Variants in GPC5 observed in about 807,000 individuals in gnomAD.
GPC5 encodes glypican 5, also known as glypican-5.
A neutral mutation model predicts 53.9 loss-of-function variants in GPC5; 47 were observed. That is an observed-to-expected ratio of 0.87 (90% CI 0.69 to 1.11). The LOEUF is 1.11. Ranked by LOEUF, GPC5 falls within the 50% of genes most tolerant of loss-of-function variation. GPC5 has a pLI of 0.00. For synonymous variants in GPC5, 286 were observed against 263.3 expected (o/e 1.09, Z -0.84); for missense variants, 748 against 713.1 (o/e 1.05, Z -0.56).
At chr13:91,538,507 A>AT (rs1280913477) in intron 2 of GPC5, among the ~76,000 whole-genome samples, 1 of 151,666 alleles carries the variant, frequency 6.6e-6, no homozygotes, top group Admixed American at 6.6e-5. Flanking sequence ...TTTTTAGATG[A>AT]TTTTTTATTT....
chr13:92,399,881 C>T (rs559379358), intron 7 of GPC5, among the ~76,000 whole-genome samples: 28 of 152,298 alleles, frequency 1.8e-4, no homozygotes, highest in African/African-American at 6.5e-4. Flanking sequence ...TGGATACTTA[C>T]TTGTTTTCCC....
chr13:91,669,995 A>G (rs2035207173), intron 2 of GPC5, among the ~76,000 whole-genome samples: 1 of 152,204 alleles, frequency 6.6e-6, no homozygotes, highest in African/African-American at 2.4e-5. Context: ...CAATTGTATT[A>G]TTGGACACTG....
chr13:92,701,733 A>G (rs1299802702), intron 7 of GPC5, among the ~76,000 whole-genome samples: 5 of 152,158 alleles, frequency 3.3e-5, no homozygotes. Flanking sequence ...AAGTTTCTTC[A>G]TATTCCTTTA....
intron 6 of GPC5, among the ~76,000 whole-genome samples, chr13:92,106,495 A>G (rs559376297): frequency 6.6e-6 from 1 of 152,110 alleles, no homozygotes; most frequent in African/African-American, 2.4e-5. Context: ...CTCACGAAAC[A>G]TGCTTAAGAC....
chr13:91,422,200 A>T (rs1421946655), intron 1 of GPC5, among the ~76,000 whole-genome samples: 1 of 152,256 alleles, frequency 6.6e-6, no homozygotes, highest in Non-Finnish European at 1.5e-5. Context: ...TGTAAGACAG[A>T]TAGCTTTGGT....
At chr13:92,613,385 T>TA (rs1884525689) in intron 7 of GPC5, among the ~76,000 whole-genome samples, 1 of 65,030 alleles carries the variant, frequency 1.5e-5, no homozygotes, top group African/African-American at 5.3e-5. Flanking sequence ...ATATATTATA[T>TA]TATATATAAA....
chr13:91,596,698 A>G (rs2033006253), intron 2 of GPC5, among the ~76,000 whole-genome samples: 2 of 152,028 alleles, frequency 1.3e-5, no homozygotes, highest in Non-Finnish European at 2.9e-5. Flanking sequence ...TGTTTAGTAT[A>G]AGGTTAATTT....
chr13:91,857,414 G>A (rs1201028507), intron 5 of GPC5, among the ~76,000 whole-genome samples: 4 of 151,208 alleles, frequency 2.6e-5, no homozygotes, highest in African/African-American at 4.8e-5. Context: ...GTAGTTTTCA[G>A]GATAGTATTA....
intron 6 of GPC5, among the ~76,000 whole-genome samples, chr13:92,142,420 T>C (rs2041838350): frequency 6.6e-6 from 1 of 152,180 alleles, no homozygotes; most frequent in East Asian, 1.9e-4. Flanking sequence ...ATAGTTAAAA[T>C]ATAGTTTTGT....
At chr13:91,499,807 A>G (rs758902273) in intron 2 of GPC5, among the ~76,000 whole-genome samples, 1 of 152,210 alleles carries the variant, frequency 6.6e-6, no homozygotes, top group Admixed American at 6.5e-5. Context: ...TGACACCTCA[A>G]TCTAAAACAG....
intron 7 of GPC5, among the ~76,000 whole-genome samples, chr13:92,684,192 G>A (rs2139226022): frequency 6.6e-6 from 1 of 152,010 alleles, no homozygotes; most frequent in South Asian, 2.1e-4. Flanking sequence ...TTTCATATTG[G>A]CTTCTTTCAC....
At position 92,685,547 on chromosome 13, in the gene GPC5, T is replaced by TTTTTTTTTTTTTTAA. The variant is rs1555302911; in HGVS notation, c.1562-180724_1562-180723insTTAATTTTTTTTTTT. Among the ~76,000 whole-genome samples, 464 of 97,756 alleles carry TTTTTTTTTTTTTTAA rather than the reference T, an allele frequency of 4.7e-3. 1 individual carries two copies. Among genetic ancestry groups the TTTTTTTTTTTTTTAA allele is most frequent in the African/African-American group, 0.014 (442 of 30,720 alleles). The allele number at this position is 97,756 out of a possible 152,430, so 64.1% of individuals were successfully genotyped here. ...TTATTTATGAAAAATTATGCTCATT[T>TTTTTTTTTTTTTTAA]TTTTTTTTTTTAATTTTTTTTTTTT... is the stretch of plus-strand genomic sequence containing the variant. On this transcript the variant is annotated intron_variant, in intron 7 of 7. Transcript: ENST00000377067.
At chr13:92,771,984 TC>T (rs1875634288) in intron 7 of GPC5, among the ~76,000 whole-genome samples, 2 of 152,164 alleles carry the variant, frequency 1.3e-5, no homozygotes, top group African/African-American at 4.8e-5. Context: ...GAAAACAAGT[TC>T]ATTCTTTCAG....
chr13:92,402,497 A>C (rs1875602361), intron 7 of GPC5, among the ~76,000 whole-genome samples: 1 of 152,050 alleles, frequency 6.6e-6, no homozygotes, highest in African/African-American at 2.4e-5. Context: ...TTTCTTTATG[A>C]TATTGATCCC....
At chr13:92,422,331 T>G (rs939749100) in intron 7 of GPC5, among the ~76,000 whole-genome samples, 1 of 152,164 alleles carries the variant, frequency 6.6e-6, no homozygotes, top group Non-Finnish European at 1.5e-5. Flanking sequence ...AGGCAGATGT[T>G]TTCCGAATAG....
At chr13:92,050,906 G>A (rs1314145674) in intron 6 of GPC5, among the ~76,000 whole-genome samples, 1 of 151,998 alleles carries the variant, frequency 6.6e-6, no homozygotes, top group Non-Finnish European at 1.5e-5. Context: ...ATGCTTAATT[G>A]GACTCTCTGA....
intron 2 of GPC5, among the ~76,000 whole-genome samples, chr13:91,510,977 T>G (rs1885202972): frequency 6.6e-6 from 1 of 152,194 alleles, no homozygotes; most frequent in Non-Finnish European, 1.5e-5. Context: ...TTTTTTATAC[T>G]GTACTGCTTT....
Position 91,674,499 on chromosome 13 carries a change from A to G in GPC5, c.326-18688A>G, listed in dbSNP as rs150510390. Among the ~76,000 whole-genome samples the G allele has an allele frequency of 3.6e-3, 541 of 149,534 alleles. 6 individuals are homozygous for G. The highest frequency in any genetic ancestry group is 6.5e-3 in the Non-Finnish European group (439 of 67,494). ...CACACACGCGCATGTGTATATATGC[A>G]TATGTGTATATATACACATATATGC... is the stretch of plus-strand genomic sequence containing the variant. On this transcript the variant is annotated intron_variant, in intron 2 of 7. Transcript: ENST00000377067.
intron 7 of GPC5, among the ~76,000 whole-genome samples, chr13:92,160,997 A>G (rs73620882): frequency 0.012 from 1,823 of 151,282 alleles, 54 homozygotes; most frequent in African/African-American, 0.041. Context: ...TTCTGCACCC[A>G]GCACCAAAAC....
Sources: allele counts gnomAD v4.1 joint callset (sites outside exome capture counted in the v4.1 genomes callset), GRCh38; gene constraint gnomAD v4.1.1; transcripts MANE v1.5; gene names NCBI Gene and HGNC (gene_info 2026-07-23, HGNC 2026-07-21).